C3: variants seen among roughly 807,000 people sequenced by gnomAD.
C3 encodes complement C3, also known as C3 and PZP-like alpha-2-macroglobulin domain-containing protein 1.
A neutral mutation model predicts 207.9 loss-of-function variants in C3; 97 were observed. The observed-to-expected ratio is 0.47, with a 90% CI of 0.40 to 0.55. The LOEUF (loss-of-function observed/expected upper bound fraction) is 0.55. Ranked by LOEUF, C3 falls within the 20% of genes least tolerant of loss-of-function variation. The probability of loss-of-function intolerance (pLI) is 0.00; values close to 1 mark genes in which losing one functional copy is unlikely to be tolerated. For synonymous variants in C3, 848 were observed against 857.6 expected (o/e 0.99, Z 0.20); for missense variants, 1,684 against 2,171.7 (o/e 0.78, Z 4.46).
chr19:6,708,464 TTCTG>T (rs1443011427), intron 14 of C3, among the ~76,000 whole-genome samples: 1 of 151,634 alleles, frequency 6.6e-6, no homozygotes, highest in African/African-American at 2.4e-5. Flanking sequence ...TTTCTTTTCT[TTCTG>T]TCTTCTTTCT....
At chr19:6,697,901 A>G (rs1967573709) in intron 19 of C3, 107 bp from the exon 20 acceptor site, 1 of 1,118,772 alleles carries the variant, frequency 8.9e-7, no homozygotes, top group South Asian at 1.4e-5. Flanking sequence ...TCCCTAACTC[A>G]GCCTGTCTTT....
intron 11 of C3, 67 bp downstream of exon 11, chr19:6,712,190 G>A: frequency 6.3e-7 from 1 of 1,592,670 alleles, no homozygotes; most frequent in South Asian, 1.1e-5. Flanking sequence ...GGACCCCACT[G>A]TGCAAACACC....
At chr19:6,706,082 G>A (rs1467072234) in intron 17 of C3, among the ~76,000 whole-genome samples, 2 of 152,234 alleles carry the variant, frequency 1.3e-5, no homozygotes, top group African/African-American at 4.8e-5. Context: ...CATGAATGAA[G>A]AAGGGCTGCC....
chr19:6,719,358 C>T lies in C3; in HGVS notation c.120G>A (p.Glu40=). ...TPNILRLESE[E]TMVLEAHDAQ... is the part of the protein sequence containing the mutation. ...CGTCGTGGGCCTCCAGCACCATGGT[C>T]TCCTCGCTCTCCAGCCGCAAGATGT... Residue 40 remains glutamate (E), a synonymous_variant, in exon 2 of 41, where the codon GAG becomes GAA. Coordinates refer to ENST00000245907, the MANE Select transcript of C3 (RefSeq NM_000064.4). This position sits in a 1 kb window ranked among gnomAD's most constrained non-coding sequence, Gnocchi z 5.4. The T allele has an allele frequency of 1.2e-6, 2 of 1,614,008 alleles. No individual in the cohort carries two copies. The highest frequency in any genetic ancestry group is 2.2e-5 in the South Asian group (2 of 91,078).
chr19:6,679,549 C>A (rs1040662222), intron 36 of C3, 53 bp from the exon 37 acceptor site: 1 of 1,306,324 alleles, frequency 7.7e-7, no homozygotes. Context: ...CCTCCAAAGA[C>A]CATGCCTGGG....
intron 21 of C3, among the ~76,000 whole-genome samples, chr19:6,697,061 T>TAAAAAAA (rs1344751717): frequency 1.3e-5 from 1 of 76,542 alleles, no homozygotes; most frequent in Non-Finnish European, 2.6e-5. Flanking sequence ...AACAAACAAA[T>TAAAAAAA]AAATAAATAA....
chr19:6,709,251 A>G (rs1262184868), intron 14 of C3, among the ~76,000 whole-genome samples: 3 of 152,114 alleles, frequency 2.0e-5, no homozygotes, highest in Non-Finnish European at 2.9e-5. Context: ...GATCGAGACC[A>G]TCCTGGCCAA....
chr19:6,694,469 A>G lies in C3; in HGVS notation c.3116T>C (p.Leu1039Pro). Residue 1039 changes from leucine (L) to proline (P), a missense_variant, in exon 24 of 41, where the codon CTA becomes CCA. By Grantham distance (98) the Leu-to-Pro change is moderately conservative (BLOSUM62 -3). Coordinates refer to ENST00000245907, the MANE Select transcript of C3 (RefSeq NM_000064.4). ...DETEQWEKFG[L>P]EKRQGALELI... The stretch of plus-strand genomic sequence containing the variant: ...CTCCAAGGCCCCCTGCCGCTTCTCT[A>G]GGCCGAACTTCTCCCACTGCTCCGT... 5 of 1,614,116 alleles carry G rather than the reference A, an allele frequency of 3.1e-6. No individual in the cohort carries two copies. The highest frequency in any genetic ancestry group is 4.2e-6 in the Non-Finnish European group (5 of 1,179,978).
At chr19:6,716,853 G>C (rs1048191185) in intron 4 of C3, 27 of 152,174 alleles carry the variant, frequency 1.8e-4, no homozygotes, top group African/African-American at 6.5e-4. Flanking sequence ...CGACTTTATA[G>C]GTTACTCAGA....
intron 27 of C3, among the ~76,000 whole-genome samples, chr19:6,688,942 G>A (rs1238282662): frequency 6.6e-6 from 1 of 152,054 alleles, no homozygotes; most frequent in South Asian, 2.1e-4. Flanking sequence ...GGAATATGGC[G>A]GCCCTAACCT....
intron 7 of C3, 46 bp downstream of exon 7, chr19:6,713,946 T>A: frequency 9.6e-7 from 1 of 1,040,802 alleles, no homozygotes; most frequent in Non-Finnish European, 1.3e-6. Flanking sequence ...GGTCTTCACC[T>A]GGTCCCTCAC....
intron 19 of C3, among the ~76,000 whole-genome samples, chr19:6,701,028 G>T (rs1967663443): frequency 6.6e-6 from 1 of 151,884 alleles, no homozygotes; most frequent in South Asian, 2.1e-4. Context: ...AAATGAGCAG[G>T]CAGGGGAGCT....
chr19:6,697,266 C>A (rs533016202), intron 21 of C3, 78 bp downstream of exon 21: 62 of 1,092,914 alleles, frequency 5.7e-5, no homozygotes, highest in Non-Finnish European at 8.0e-5. Flanking sequence ...GAGCCTGGAT[C>A]TCCAACCTGA....
At chr19:6,681,509 G>A (rs1917859286) in intron 35 of C3, among the ~76,000 whole-genome samples, 1 of 151,930 alleles carries the variant, frequency 6.6e-6, no homozygotes. Context: ...TCAAGACACT[G>A]TACTCCAGTC....
intron 26 of C3, among the ~76,000 whole-genome samples, chr19:6,692,722 C>T (rs1300646218): frequency 2.0e-5 from 3 of 152,146 alleles, no homozygotes; most frequent in Admixed American, 6.5e-5. Context: ...CTTCATTTTG[C>T]GCTGGGCTTC....
In C3 at chr19:6,709,726, G is replaced by A. The variant is rs370859261; in HGVS notation, c.1803C>T (p.Gly601=). The A allele has an allele frequency of 1.2e-5, 20 of 1,613,254 alleles. No homozygotes were observed. The highest frequency in any genetic ancestry group is 2.2e-5 in the East Asian group (1 of 44,854). The change falls in exon 14 of 41, where the codon GGC becomes GGT. Residue 601 remains glycine (G), a synonymous_variant. Coordinates refer to ENST00000245907, the MANE Select transcript of C3 (RefSeq NM_000064.4). ...ARVVLVAVDK[G]VFVLNKKNKL... The stretch of plus-strand genomic sequence containing the variant: ...TGTTCTTCTTATTCAGCACGAACAC[G>A]CCCTTGTCCACGGCCACCAGTACCA...
chr19:6,709,154 G>C (rs1390850880), intron 14 of C3, among the ~76,000 whole-genome samples: 1 of 152,168 alleles, frequency 6.6e-6, no homozygotes, highest in Non-Finnish European at 1.5e-5. Context: ...CCAGTTGAAA[G>C]TGTCCAATTC....
chr19:6,711,025 G>A lies in C3; in HGVS notation c.1441C>T (p.Arg481Cys), dbSNP rs1437938788. 8.1e-6 allele frequency: 13 copies of A among 1,614,116 alleles called. No homozygotes were observed. Among genetic ancestry groups the A allele is most frequent in the South Asian group, 4.4e-5 (4 of 91,082 alleles). ...LNVNFLLRMD[R>C]AHEAKIRYYT... is the part of the protein sequence containing the mutation. ...TAGCGGATCTTGGCCTCGTGGGCGCGGTCCATTCGCAGGAGGAAGTTGACG... is the reference window on the plus strand; with the variant it reads ...TAGCGGATCTTGGCCTCGTGGGCGCAGTCCATTCGCAGGAGGAAGTTGACG... The change falls in exon 12 of 41, where the codon CGC (arginine) becomes TGC (cysteine). Residue 481 changes from arginine to cysteine, a missense_variant. Arg to Cys is a radical substitution (Grantham distance 180, BLOSUM62 -3). Around this residue, in one of 3 missense-constraint regions of C3, gnomAD observed 1,280 missense variants for 1,739.1 expected, o/e 0.74. Coordinates refer to ENST00000245907, the MANE Select transcript of C3 (RefSeq NM_000064.4).
intron 24 of C3, 39 bp from the exon 25 acceptor site, chr19:6,693,526 C>A: frequency 6.3e-7 from 1 of 1,583,256 alleles, no homozygotes; most frequent in South Asian, 1.1e-5. Context: ...AGAGCCGGGG[C>A]TGAGCAGAGG....
Sources: gnomAD v4.1 joint callset for allele counts (sites outside exome capture counted in the v4.1 genomes callset) on GRCh38, gnomAD v4.1.1 for gene constraint, gnomAD v4.1.1 regional missense constraint, Gnocchi (gnomAD v3.1) non-coding constraint, MANE v1.5 for transcripts, NCBI Gene and HGNC (gene_info 2026-07-23, HGNC 2026-07-21) for gene names.